Variants in KCNIP4 observed in about 807,000 individuals in gnomAD.
The protein encoded by KCNIP4 is Kv channel-interacting protein 4.
In KCNIP4, 12 loss-of-function variants were observed where a neutral mutation model predicts 34.0. The observed-to-expected ratio is 0.35, with a 90% confidence interval of 0.23 to 0.57. KCNIP4 has a LOEUF of 0.57. Among genes scored for constraint, KCNIP4 ranks in the 20% least tolerant of loss-of-function variants. KCNIP4 has a pLI of 0.83. For missense variants in KCNIP4, 238 were observed against 311.7 expected, an observed-to-expected ratio of 0.76 and a Z score of 1.78; for synonymous variants, 124 against 102.2, an observed-to-expected ratio of 1.21 and a Z score of -1.29.
chr4:21,423,861 G>A (rs962302646), intron 1 of KCNIP4, among the ~76,000 whole-genome samples: 8 of 150,540 alleles, frequency 5.3e-5, no homozygotes, highest in African/African-American at 4.9e-5. Context: ...AGGCTGGAGT[G>A]CAGTGGTGCA....
At chr4:21,339,816 T>C (rs895255666) in intron 1 of KCNIP4, among the ~76,000 whole-genome samples, 9 of 152,140 alleles carry the variant, frequency 5.9e-5, no homozygotes, top group African/African-American at 2.2e-4. Flanking sequence ...CAATAGAATA[T>C]CTCTGAGAAA....
chr4:21,392,079 C>CCAA (rs1487186802), intron 1 of KCNIP4, among the ~76,000 whole-genome samples: 1 of 152,160 alleles, frequency 6.6e-6, no homozygotes, highest in Non-Finnish European at 1.5e-5. Context: ...ACTGAGACTA[C>CCAA]CAACACTCAT....
intron 1 of KCNIP4, among the ~76,000 whole-genome samples, chr4:21,063,734 C>T (rs1272187815): frequency 1.3e-5 from 2 of 151,814 alleles, no homozygotes; most frequent in African/African-American, 4.8e-5. Flanking sequence ...TGGATAGACT[C>T]TAACTTTTAT....
chr4:21,602,920 C>T (rs1042729676), intron 1 of KCNIP4, among the ~76,000 whole-genome samples: 3 of 152,184 alleles, frequency 2.0e-5, no homozygotes, highest in East Asian at 1.9e-4. Context: ...TTATGAAACA[C>T]TAATGAATAA....
intron 1 of KCNIP4, among the ~76,000 whole-genome samples, chr4:21,758,793 G>A (rs1384831847): frequency 6.6e-6 from 1 of 151,562 alleles, no homozygotes; most frequent in Non-Finnish European, 1.5e-5. Context: ...ACCTCCAAAT[G>A]GTAATTATTG....
At chr4:21,467,109 CACACACACAA>C (rs1393521273) in intron 1 of KCNIP4, among the ~76,000 whole-genome samples, 36 of 139,980 alleles carry the variant, frequency 2.6e-4, no homozygotes, top group Non-Finnish European at 3.5e-4. Context: ...CACACACACA[CACACACACAA>C]AACAGAACAT....
intron 1 of KCNIP4, among the ~76,000 whole-genome samples, chr4:20,939,168 T>C (rs1251043188): frequency 6.6e-6 from 1 of 152,114 alleles, no homozygotes; most frequent in African/African-American, 2.4e-5. Flanking sequence ...CTTCCTCACC[T>C]TTAAATGTAG....
At chr4:21,508,072 C>T (rs1733993410) in intron 1 of KCNIP4, among the ~76,000 whole-genome samples, 1 of 152,174 alleles carries the variant, frequency 6.6e-6, no homozygotes, top group African/African-American at 2.4e-5. Context: ...AACAATACTT[C>T]ACACAGCATC....
At chr4:21,556,943 A>AAAAACAAAAAAAAAAAAC (rs1739114363) in intron 1 of KCNIP4, among the ~76,000 whole-genome samples, 2 of 142,368 alleles carry the variant, frequency 1.4e-5, no homozygotes, top group Non-Finnish European at 3.0e-5. Flanking sequence ...AAAAAAAAAA[A>AAAAACAAAAAAAAAAAAC]CCAGAAAACA....
chr4:21,362,138 C>T (rs753463691), intron 1 of KCNIP4, among the ~76,000 whole-genome samples: 1 of 152,122 alleles, frequency 6.6e-6, no homozygotes, highest in Non-Finnish European at 1.5e-5. Flanking sequence ...TAACTGCACA[C>T]TCAGCTCCTG....
chr4:20,776,939 G>A (rs1394264548), intron 3 of KCNIP4, among the ~76,000 whole-genome samples: 1 of 152,154 alleles, frequency 6.6e-6, no homozygotes, highest in Non-Finnish European at 1.5e-5. Context: ...AAAAAAAATG[G>A]ATCTTCTTTG....
chr4:21,330,966 C>T (rs895266091), intron 1 of KCNIP4, among the ~76,000 whole-genome samples: 2 of 152,166 alleles, frequency 1.3e-5, no homozygotes, highest in Non-Finnish European at 2.9e-5. Flanking sequence ...AAAGCCCAAC[C>T]TGGATCAGGA....
chr4:21,425,626 T>C (rs1468855842), intron 1 of KCNIP4, among the ~76,000 whole-genome samples: 1 of 152,192 alleles, frequency 6.6e-6, no homozygotes, highest in Non-Finnish European at 1.5e-5. Flanking sequence ...CATTAACACA[T>C]ATATATGTCA....
intron 1 of KCNIP4, among the ~76,000 whole-genome samples, chr4:20,997,525 T>C (rs1202445807): frequency 1.3e-5 from 2 of 152,162 alleles, no homozygotes; most frequent in East Asian, 3.9e-4. Context: ...GAATCTGGGA[T>C]AACTCATTAA....
intron 1 of KCNIP4, among the ~76,000 whole-genome samples, chr4:20,897,669 C>T (rs558464039): frequency 5.9e-5 from 9 of 152,224 alleles, no homozygotes; most frequent in African/African-American, 1.4e-4. Context: ...GAAAGATATA[C>T]TGTGATGTCT....
chr4:21,233,132 G>A (rs1758920375), intron 1 of KCNIP4, among the ~76,000 whole-genome samples: 1 of 152,126 alleles, frequency 6.6e-6, no homozygotes, highest in South Asian at 2.1e-4. Context: ...TAGCCAAACT[G>A]GCCTGAAATG....
chr4:21,556,922 G>C (rs13143000), intron 1 of KCNIP4, among the ~76,000 whole-genome samples: 1 of 70,848 alleles, frequency 1.4e-5, no homozygotes, highest in East Asian at 5.1e-4. Context: ...CTCCATCTCA[G>C]AAAAAAAAAA....
intron 3 of KCNIP4, among the ~76,000 whole-genome samples, chr4:20,792,940 C>G (rs1350750511): frequency 6.6e-6 from 1 of 152,038 alleles, no homozygotes; most frequent in East Asian, 1.9e-4. Context: ...AGGATGTAAA[C>G]AAACTAAAAC....
At chr4:21,676,460 T>C (rs937872684) in intron 1 of KCNIP4, among the ~76,000 whole-genome samples, 1 of 152,204 alleles carries the variant, frequency 6.6e-6, no homozygotes, top group African/African-American at 2.4e-5. Flanking sequence ...TGATTATTTT[T>C]AGATGAACAG....
Sources: gnomAD v4.1 joint callset for allele counts (sites outside exome capture counted in the v4.1 genomes callset) on GRCh38, gnomAD v4.1.1 for gene constraint, MANE v1.5 for transcripts, NCBI Gene and HGNC (gene_info 2026-07-23, HGNC 2026-07-21) for gene names.